PLXDC2: variants seen among roughly 807,000 people sequenced by gnomAD.
The protein encoded by PLXDC2 is plexin domain-containing protein 2.
A neutral mutation model predicts 68.9 loss-of-function variants in PLXDC2; 40 were observed. The observed-to-expected ratio is 0.58, with a 90% CI of 0.45 to 0.76. PLXDC2 has a LOEUF of 0.76. Among genes scored for constraint, PLXDC2 ranks in the 30% least tolerant of loss-of-function variants. The pLI is 0.00. For synonymous variants in PLXDC2, 243 were observed against 234.2 expected, an observed-to-expected ratio of 1.04 and a Z score of -0.34; for missense variants, 644 against 661.9, an observed-to-expected ratio of 0.97 and a Z score of 0.30.
At chr10:20,216,344 G>A (rs1007882572) in intron 10 of PLXDC2, among the ~76,000 whole-genome samples, 4 of 152,082 alleles carry the variant, frequency 2.6e-5, no homozygotes, top group South Asian at 2.1e-4. Flanking sequence ...CAGGGTGTGG[G>A]GATGACAACT....
intron 3 of PLXDC2, among the ~76,000 whole-genome samples, chr10:20,054,860 A>G (rs1322460532): frequency 2.0e-5 from 3 of 152,116 alleles, no homozygotes; most frequent in Admixed American, 2.0e-4. Flanking sequence ...TAATAATAAA[A>G]AAAACCAGAT....
chr10:19,895,040 A>G (rs534143485), intron 1 of PLXDC2, among the ~76,000 whole-genome samples: 26 of 152,334 alleles, frequency 1.7e-4, no homozygotes, highest in African/African-American at 5.8e-4. Flanking sequence ...ATGCCCATCA[A>G]TGATAGACTG....
intron 9 of PLXDC2, among the ~76,000 whole-genome samples, chr10:20,209,798 T>C (rs959513542): frequency 9.2e-5 from 14 of 152,096 alleles, no homozygotes; most frequent in Non-Finnish European, 1.3e-4. Context: ...CTTACGAAGA[T>C]GACAGGATTA....
intron 13 of PLXDC2, among the ~76,000 whole-genome samples, chr10:20,271,249 T>C (rs1480196634): frequency 6.6e-6 from 1 of 151,878 alleles, no homozygotes; most frequent in Non-Finnish European, 1.5e-5. Context: ...GGCAGCAGTG[T>C]AAAGTGCTCT....
intron 12 of PLXDC2, among the ~76,000 whole-genome samples, chr10:20,234,225 C>T (rs564503411): frequency 3.9e-5 from 6 of 152,216 alleles, no homozygotes; most frequent in Non-Finnish European, 7.4e-5. Flanking sequence ...CTATACAACT[C>T]GTGGAAGTGT....
intron 2 of PLXDC2, among the ~76,000 whole-genome samples, chr10:20,032,859 A>T (rs72791849): frequency 2.5e-4 from 38 of 151,150 alleles, no homozygotes; most frequent in African/African-American, 8.6e-4. Flanking sequence ...TGGGAATATC[A>T]TAGGTACATA....
chr10:19,857,000 C>G (rs1445217289), intron 1 of PLXDC2, among the ~76,000 whole-genome samples: 2 of 152,036 alleles, frequency 1.3e-5, no homozygotes, highest in African/African-American at 4.8e-5. Flanking sequence ...TTTAAAGTGA[C>G]AAATAATAAT....
chr10:19,859,126 C>G (rs1392667035), intron 1 of PLXDC2, among the ~76,000 whole-genome samples: 1 of 151,690 alleles, frequency 6.6e-6, no homozygotes, highest in African/African-American at 2.4e-5. Flanking sequence ...TCACTTACTC[C>G]CATGAGAATG....
chr10:20,227,785 G>T (rs979550291), intron 12 of PLXDC2, among the ~76,000 whole-genome samples: 2 of 152,142 alleles, frequency 1.3e-5, no homozygotes, highest in Non-Finnish European at 2.9e-5. Context: ...CAGGGAACAG[G>T]AGGGACAGGA....
At chr10:19,971,927 G>A (rs1449962850) in intron 1 of PLXDC2, among the ~76,000 whole-genome samples, 2 of 152,026 alleles carry the variant, frequency 1.3e-5, no homozygotes, top group Non-Finnish European at 2.9e-5. Flanking sequence ...ATCTGATTGG[G>A]CAGGGGCGGC....
chr10:19,946,176 A>G (rs56369103), intron 1 of PLXDC2, among the ~76,000 whole-genome samples: 22,863 of 152,138 alleles, frequency 0.15, 2,041 homozygotes, highest in South Asian at 0.26. Flanking sequence ...CCTGCCTCCA[A>G]TCATCTCCTC....
At chr10:19,923,916 T>C (rs537489167) in intron 1 of PLXDC2, among the ~76,000 whole-genome samples, 3 of 152,144 alleles carry the variant, frequency 2.0e-5, no homozygotes, top group African/African-American at 7.2e-5. Context: ...AATACAAAAA[T>C]TAGCTTCATT....
intron 1 of PLXDC2, among the ~76,000 whole-genome samples, chr10:19,933,069 C>T (rs116707286): frequency 2.0e-3 from 299 of 152,304 alleles, no homozygotes; most frequent in African/African-American, 6.9e-3. Context: ...CGGTACCAAG[C>T]ATGCAAGTGT....
At chr10:20,170,131 A>G (rs1306914476) in intron 7 of PLXDC2, among the ~76,000 whole-genome samples, 1 of 152,198 alleles carries the variant, frequency 6.6e-6, no homozygotes, top group Non-Finnish European at 1.5e-5. Flanking sequence ...CTCTTTGAGG[A>G]ACAATTATAG....
rs527565239 is a variant in PLXDC2 at position 20,024,161 on chromosome 10, A to G, written c.324+22175A>G. ...TCAAAAACATTCCTTTTATTCCTCT[A>G]TATGGTTTAAAAACTATTGTTGGTG... On this transcript the variant is annotated intron_variant, in intron 2 of 13. Coordinates refer to ENST00000377252, the MANE Select transcript of PLXDC2 (RefSeq NM_032812.9). Among the ~76,000 whole-genome samples the G allele has an allele frequency of 3.9e-5, 6 of 152,254 alleles. No individual in the cohort carries two copies. The South Asian group carries it at 6.2e-4, about 16-fold the overall frequency.
intron 1 of PLXDC2, among the ~76,000 whole-genome samples, chr10:19,871,608 A>G (rs1008990029): frequency 2.0e-5 from 3 of 152,050 alleles, no homozygotes; most frequent in Admixed American, 6.6e-5. Context: ...AATGACTTAT[A>G]TTGGGCCAGA....
chr10:20,279,843 A>G lies in PLXDC2; in HGVS notation c.*24A>G, dbSNP rs1442016375. ...AAAATTTCTAGGACAGAACAACACCAGTACTGGTTTACAGGTGTTAAGACT... is the reference window on the plus strand; with the variant it reads ...AAAATTTCTAGGACAGAACAACACCGGTACTGGTTTACAGGTGTTAAGACT... On this transcript the variant is annotated 3_prime_UTR_variant, in exon 14 of 14. Transcript: ENST00000377252. 3.8e-6 allele frequency: 6 copies of G among 1,595,306 alleles called. No individual in the cohort carries two copies. The highest frequency in any genetic ancestry group is 3.3e-5 in the Admixed American group (2 of 59,812).
chr10:19,862,673 C>A (rs1365267229), intron 1 of PLXDC2, among the ~76,000 whole-genome samples: 1 of 152,178 alleles, frequency 6.6e-6, no homozygotes, highest in African/African-American at 2.4e-5. Context: ...AACAAGTATG[C>A]AACAGCTACT....
At chr10:19,986,243 A>C (rs1589570754) in intron 1 of PLXDC2, among the ~76,000 whole-genome samples, 1 of 152,196 alleles carries the variant, frequency 6.6e-6, no homozygotes, top group East Asian at 1.9e-4. Context: ...AGGTCTTTCT[A>C]AGTGTATTTA....
Sources: gnomAD v4.1 joint callset for allele counts (sites outside exome capture counted in the v4.1 genomes callset) on GRCh38, gnomAD v4.1.1 for gene constraint, MANE v1.5 for transcripts, NCBI Gene and HGNC (gene_info 2026-07-23, HGNC 2026-07-21) for gene names.